The following EIF4E variants were observed in gnomAD, a reference collection of about 807,000 sequenced individuals.
The protein encoded by EIF4E is eukaryotic translation initiation factor 4E.
For synonymous variants in EIF4E, 71 were observed against 88.5 expected, an observed-to-expected ratio of 0.80 and a Z score of 1.11; for missense variants, 113 against 265.6, an observed-to-expected ratio of 0.43 and a Z score of 3.99.
At chr4:98,900,201 T>C (rs1724588516) in intron 2 of EIF4E, among the ~76,000 whole-genome samples, 1 of 151,946 alleles carries the variant, frequency 6.6e-6, no homozygotes, top group Non-Finnish European at 1.5e-5. Context: ...TACTATTAGG[T>C]TAAACTATAT....
At position 98,912,553 on chromosome 4, in the gene EIF4E, C is replaced by T. The variant is rs559621829; in HGVS notation, c.19-10571G>A. Among the ~76,000 whole-genome samples the T allele has an allele frequency of 7.9e-5, 12 of 151,198 alleles. No individual in the cohort carries two copies. The South Asian group carries it at 2.3e-3, about 29-fold the overall frequency. The stretch of plus-strand genomic sequence containing the variant: ...ATCGCACCACTGCACTCCAGCATAG[C>T]GAAAGCAAGACTCCATCTCAAAAAA... On this transcript the variant is annotated intron_variant, in intron 1 of 6. Coordinates refer to ENST00000450253, the MANE Select transcript of EIF4E (RefSeq NM_001968.5).
chr4:98,914,434 A>G (rs1204668309), intron 1 of EIF4E, among the ~76,000 whole-genome samples: 3 of 151,414 alleles, frequency 2.0e-5, no homozygotes, highest in Admixed American at 6.6e-5. Flanking sequence ...AGTCCTAAAT[A>G]AACTGTAGTG....
chr4:98,892,206 C>T (rs1351412643), intron 2 of EIF4E, among the ~76,000 whole-genome samples: 2 of 151,364 alleles, frequency 1.3e-5, no homozygotes, highest in Non-Finnish European at 2.9e-5. Flanking sequence ...ACTAGCCAGG[C>T]ATGGTGGTGC....
At position 98,887,256 on chromosome 4, in the gene EIF4E, T is replaced by C. The variant is rs778146144; in HGVS notation, c.286-64A>G. 8.0e-5 allele frequency: 120 copies of C among 1,509,290 alleles called. No individual in the cohort carries two copies. Among genetic ancestry groups the C allele is most frequent in the Admixed American group, 6.0e-4 (36 of 59,758 alleles). The allele number at this position is 1,509,290 out of a possible 1,614,324, so 93.5% of individuals were successfully genotyped here. On this transcript the variant is annotated intron_variant, in intron 4 of 6. Transcript: ENST00000450253. This position sits in a 1 kb window ranked among gnomAD's most constrained non-coding sequence, Gnocchi z 4.0. ...TACCTTGACTTTGAGAGATAATCAT[T>C]AGAAACAGTTAAGCAACAACACTGT...
chr4:98,891,948 C>T (rs1724158356), intron 2 of EIF4E, among the ~76,000 whole-genome samples: 2 of 152,168 alleles, frequency 1.3e-5, no homozygotes, highest in South Asian at 2.1e-4. Context: ...AGACCCAAGA[C>T]ACACTGAAAC....
At chr4:98,890,021 A>C (rs1433548458) in intron 3 of EIF4E, among the ~76,000 whole-genome samples, 1 of 152,090 alleles carries the variant, frequency 6.6e-6, no homozygotes, top group African/African-American at 2.4e-5. Context: ...TTTAATAAAA[A>C]ATAAATACTC....
chr4:98,915,314 A>G lies in EIF4E; in HGVS notation c.19-13332T>C, dbSNP rs1725330135. Among the ~76,000 whole-genome samples, 4 of 152,304 alleles carry G rather than the reference A, an allele frequency of 2.6e-5. No homozygotes were observed. The South Asian group carries it at 8.3e-4, about 32-fold the overall frequency. On this transcript the variant is annotated intron_variant, in intron 1 of 6. Transcript: ENST00000450253. ...GGTACGAAGAAGGATATGGTTAAAA[A>G]AAAAAAGAGAAGTTCACAAACAAGT...
chr4:98,926,399 G>T (rs1355969570), intron 1 of EIF4E: 1 of 152,150 alleles, frequency 6.6e-6, no homozygotes, highest in Non-Finnish European at 1.5e-5. Flanking sequence ...AAAATTAGCC[G>T]GGCGTGGTGG....
At chr4:98,929,068 G>A (rs1318826726) in intron 1 of EIF4E, 27 bp downstream of exon 1, 1 of 1,579,492 alleles carries the variant, frequency 6.3e-7, no homozygotes, top group South Asian at 1.2e-5. Flanking sequence ...GGGACCCGTG[G>A]GGGTGGGGGC....
At chr4:98,892,553 G>A (rs377121058) in intron 2 of EIF4E, among the ~76,000 whole-genome samples, 1 of 149,840 alleles carries the variant, frequency 6.7e-6, no homozygotes, top group African/African-American at 2.4e-5. Context: ...CTGGTGGTAT[G>A]TGCCTGTAAT....
At chr4:98,896,830 T>G in intron 2 of EIF4E, among the ~76,000 whole-genome samples, 1 of 151,550 alleles carries the variant, frequency 6.6e-6, no homozygotes, top group Non-Finnish European at 1.5e-5. Flanking sequence ...ACTAAAATGG[T>G]GGTGGTGCAT....
intron 1 of EIF4E, chr4:98,928,802 A>G: frequency 1.4e-6 from 2 of 1,465,080 alleles, no homozygotes; most frequent in Non-Finnish European, 1.8e-6. Flanking sequence ...CCAGAACCCC[A>G]GCTACCCTCC....
At position 98,914,361 on chromosome 4, in the gene EIF4E, CAAAAAAAAAAAAA is replaced by C. The variant is rs1159581783; in HGVS notation, c.19-12392_19-12380del. ...CTGGCAACAGAGCCAGACTCCGTCT[CAAAAAAAAAAAAA>C]AAAAAAAAAAAAAAGCACTTTTTTT... On this transcript the variant is annotated intron_variant, in intron 1 of 6. Transcript: ENST00000450253. Among the ~76,000 whole-genome samples, 10 of 34,834 alleles carry C rather than the reference CAAAAAAAAAAAAA, an allele frequency of 2.9e-4. 1 individual carries two copies. The South Asian group carries it at 0.011, about 38-fold the overall frequency. The allele number at this position is 34,834 out of a possible 152,430, so 22.9% of individuals were successfully genotyped here. A position where few individuals can be genotyped will look rare whatever the true frequency, so the allele number is the denominator to read the frequency against.
chr4:98,892,908 T>A (rs1724215654), intron 2 of EIF4E, among the ~76,000 whole-genome samples: 1 of 152,168 alleles, frequency 6.6e-6, no homozygotes, highest in Admixed American at 6.6e-5. Flanking sequence ...ATACTTCTCT[T>A]AAAATAGTTT....
intron 1 of EIF4E, chr4:98,903,363 T>G (rs539577162): frequency 2.8e-5 from 12 of 422,556 alleles, no homozygotes; most frequent in Middle Eastern, 5.8e-4. Flanking sequence ...AATATGGGTT[T>G]TTTTTTTTTT....
At chr4:98,892,075 G>A (rs988322752) in intron 2 of EIF4E, among the ~76,000 whole-genome samples, 3 of 152,058 alleles carry the variant, frequency 2.0e-5, no homozygotes, top group African/African-American at 4.8e-5. Flanking sequence ...AGCTGGGCGC[G>A]GTGGTTCACG....
At chr4:98,920,916 A>T (rs1256928814) in intron 1 of EIF4E, among the ~76,000 whole-genome samples, 1 of 152,162 alleles carries the variant, frequency 6.6e-6, no homozygotes, top group Non-Finnish European at 1.5e-5. Flanking sequence ...TGAAGGATGG[A>T]CTTTAGTTTT....
chr4:98,881,158 A>G lies in EIF4E; in HGVS notation c.540-16T>C, dbSNP rs770285965. 1.4e-5 allele frequency: 22 copies of G among 1,608,244 alleles called. No homozygotes were observed. The highest frequency in any genetic ancestry group is 3.4e-5 in the Admixed American group (2 of 59,344). ...GTATACCCTCCTAGAAGAAAAAAAA[A>G]AAGAAGAAGAAAAAAGTAGTCATTA... On this transcript the variant is annotated splice_polypyrimidine_tract_variant and intron_variant, in intron 6 of 6. Transcript: ENST00000450253.
chr4:98,896,487 A>C (rs930848861), intron 2 of EIF4E, among the ~76,000 whole-genome samples: 2 of 30,550 alleles, frequency 6.5e-5, no homozygotes, highest in African/African-American at 2.7e-4. Flanking sequence ...CGCATCTCTC[A>C]AAAAAAAAAA....
Sources: allele counts gnomAD v4.1 joint callset (sites outside exome capture counted in the v4.1 genomes callset), GRCh38; gene constraint gnomAD v4.1.1; non-coding constraint Gnocchi (gnomAD v3.1); transcripts MANE v1.5; gene names NCBI Gene and HGNC (gene_info 2026-07-23, HGNC 2026-07-21).